The following PLB1 variants were observed in gnomAD, a reference collection of about 807,000 sequenced individuals.
PLB1 encodes the protein phospholipase B1.
In PLB1, 242 loss-of-function variants were observed where a neutral mutation model predicts 227.4. The ratio of observed to expected loss-of-function variants is 1.06; its 90% CI spans 0.96 to 1.18. The LOEUF is 1.18. PLB1 is among the 50% of genes most tolerant of loss of function. The pLI is 0.00. For synonymous variants in PLB1, 757 were observed against 682.2 expected (o/e 1.11, Z -1.71); for missense variants, 1,858 against 1,816.3 (o/e 1.02, Z -0.42).
intron 1 of PLB1, among the ~76,000 whole-genome samples, chr2:28,515,651 T>C (rs1275082400): frequency 6.6e-6 from 1 of 152,208 alleles, no homozygotes. Context: ...AAAGTAAAGC[T>C]GCAGAAGAAG....
Position 28,602,794 on chromosome 2 carries a change from C to T in PLB1, c.2674-27C>T, listed in dbSNP as rs767647392. 33 of 1,599,798 alleles carry T rather than the reference C, an allele frequency of 2.1e-5. No individual in the cohort carries two copies. The Admixed American group carries it at 3.3e-4, about 16-fold the overall frequency. On this transcript the variant is annotated intron_variant, in intron 38 of 57. Transcript: ENST00000327757. ...CCCCAGGAAGAAGTGCCTGGAGCCC[C>T]CCTCTCATCTGCAGCTTTTCCCTTA...
intron 9 of PLB1, among the ~76,000 whole-genome samples, chr2:28,536,220 T>C (rs112476599): frequency 3.3e-5 from 5 of 152,334 alleles, no homozygotes; most frequent in African/African-American, 1.2e-4. Context: ...GAGTTTCTTA[T>C]GACCAAAGTC....
chr2:28,593,623 CA>C (rs1682378311), intron 32 of PLB1, 57 bp from the exon 33 acceptor site: 4 of 1,477,326 alleles, frequency 2.7e-6, no homozygotes, highest in African/African-American at 1.4e-5. Flanking sequence ...TGTGCATTCA[CA>C]GCCTCCCTGT....
At chr2:28,604,143 A>G in intron 40 of PLB1, 96 bp downstream of exon 40, 1 of 1,234,998 alleles carries the variant, frequency 8.1e-7, no homozygotes, top group Non-Finnish European at 1.2e-6. Flanking sequence ...GGGAAGGAAA[A>G]GCTGGTCAGG....
chr2:28,600,981 T>C (rs1683776233), intron 36 of PLB1, 121 bp downstream of exon 36: 2 of 917,754 alleles, frequency 2.2e-6, no homozygotes, highest in Admixed American at 4.3e-5. Context: ...ATTCAAGCAG[T>C]GGTCGGACAG....
chr2:28,526,318 C>T (rs1471317121), intron 6 of PLB1, among the ~76,000 whole-genome samples: 1 of 152,020 alleles, frequency 6.6e-6, no homozygotes, highest in Non-Finnish European at 1.5e-5. Context: ...TGGTTCACTC[C>T]TCCCACCCAA....
At chr2:28,608,843 T>C (rs1421283467) in intron 43 of PLB1, among the ~76,000 whole-genome samples, 1 of 152,040 alleles carries the variant, frequency 6.6e-6, no homozygotes, top group African/African-American at 2.4e-5. Context: ...TTAATGACCC[T>C]CCTCCTCCCT....
chr2:28,586,042 C>T (rs1291877756), intron 26 of PLB1, among the ~76,000 whole-genome samples, 200 bp downstream of exon 26: 1 of 152,192 alleles, frequency 6.6e-6, no homozygotes, highest in Non-Finnish European at 1.5e-5. Flanking sequence ...AACCAAGTCC[C>T]TGAACATGAC....
At chr2:28,642,786 T>C in intron 57 of PLB1, 72 bp from the exon 58 acceptor site, 1 of 1,317,428 alleles carries the variant, frequency 7.6e-7, no homozygotes, top group Non-Finnish European at 1.1e-6. Flanking sequence ...GAATGGGGAC[T>C]AGGCAAGTCT....
rs778561409 is a variant in PLB1, at chr2:28,591,205, G to A, written c.2127+34G>A. 2.0e-5 allele frequency: 33 copies of A among 1,613,118 alleles called. No individual in the cohort carries two copies. The African/African-American group carries it at 3.1e-4, about 15-fold the overall frequency. On this transcript the variant is annotated intron_variant, in intron 30 of 57. Transcript: ENST00000327757. ...CTCTTGCCTCCTCTTGACTCACCAGGCAATGCAATGGGCAACCCCTGGGCT... is the reference window on the plus strand; with the variant it reads ...CTCTTGCCTCCTCTTGACTCACCAGACAATGCAATGGGCAACCCCTGGGCT...
intron 33 of PLB1, 86 bp from the exon 34 acceptor site, chr2:28,597,919 T>A: frequency 1.5e-6 from 2 of 1,298,412 alleles, no homozygotes; most frequent in Non-Finnish European, 2.2e-6. Context: ...CTAAGAAGGG[T>A]GGGGGCTGCT....
At chr2:28,593,549 G>A in intron 32 of PLB1, 132 bp from the exon 33 acceptor site, 2 of 711,756 alleles carry the variant, frequency 2.8e-6, no homozygotes, top group Admixed American at 4.5e-5. Context: ...AGAGCCAGGG[G>A]CTCCTGGTTC....
At chr2:28,571,761 T>A (rs574171654) in intron 20 of PLB1, among the ~76,000 whole-genome samples, 1 of 152,230 alleles carries the variant, frequency 6.6e-6, no homozygotes, top group Non-Finnish European at 1.5e-5. Context: ...GAGGTTGAAC[T>A]CCTACCTCAC....
At chr2:28,546,957 T>C (rs1673359668) in intron 14 of PLB1, among the ~76,000 whole-genome samples, 1 of 152,022 alleles carries the variant, frequency 6.6e-6, no homozygotes. Context: ...CCCAGCACTT[T>C]GGGAGTCCGA....
chr2:28,578,072 C>T (rs1377524605), intron 21 of PLB1, 35 bp from the exon 22 acceptor site: 4 of 1,608,882 alleles, frequency 2.5e-6, no homozygotes, highest in Non-Finnish European at 3.4e-6. Context: ...CCAGTCCCCA[C>T]TCCTCACAGC....
intron 16 of PLB1, among the ~76,000 whole-genome samples, chr2:28,551,083 T>A (rs1655570302): frequency 6.6e-6 from 1 of 152,156 alleles, no homozygotes; most frequent in Non-Finnish European, 1.5e-5. Flanking sequence ...CCCAATCTGT[T>A]TTGATGTAAG....
At chr2:28,507,710 C>G (rs1667785637) in intron 1 of PLB1, among the ~76,000 whole-genome samples, 1 of 152,146 alleles carries the variant, frequency 6.6e-6, no homozygotes, top group Admixed American at 6.5e-5. Flanking sequence ...TATGTAATTT[C>G]CTTTTGGGAC....
At chr2:28,525,594 C>G (rs1169051894) in intron 5 of PLB1, among the ~76,000 whole-genome samples, 1 of 152,162 alleles carries the variant, frequency 6.6e-6, no homozygotes, top group Non-Finnish European at 1.5e-5. Flanking sequence ...ACTTGCTCTG[C>G]TCTTGGGGAA....
chr2:28,639,554 A>G (rs1380853711), intron 56 of PLB1, among the ~76,000 whole-genome samples: 1 of 152,218 alleles, frequency 6.6e-6, no homozygotes, highest in Non-Finnish European at 1.5e-5. Context: ...AAGAAAGGGC[A>G]GGTGAAGGAG....
Sources: gnomAD v4.1 joint callset for allele counts (sites outside exome capture counted in the v4.1 genomes callset) on GRCh38, gnomAD v4.1.1 for gene constraint, MANE v1.5 for transcripts, NCBI Gene and HGNC (gene_info 2026-07-23, HGNC 2026-07-21) for gene names.